Variants in MPPED2 observed in about 807,000 individuals in gnomAD.
The protein encoded by MPPED2 is metallophosphoesterase MPPED2.
Under a neutral mutation model 33.0 loss-of-function variants are expected in MPPED2, and 5 were observed. The observed-to-expected ratio is 0.15, with a 90% confidence interval of 0.08 to 0.32. The LOEUF (loss-of-function observed/expected upper bound fraction) is 0.32. Ranked by LOEUF, MPPED2 falls within the 10% of genes least tolerant of loss-of-function variation. MPPED2 has a pLI of 1.00. For synonymous variants in MPPED2, 136 were observed against 141.9 expected (o/e 0.96, Z 0.29); for missense variants, 275 against 372.1 (o/e 0.74, Z 2.15).
At chr11:30,567,499 T>G (rs572467128) in intron 2 of MPPED2, among the ~76,000 whole-genome samples, 4 of 152,288 alleles carry the variant, frequency 2.6e-5, no homozygotes, top group Admixed American at 2.6e-4. Context: ...GGGTGCTTTT[T>G]TTCCAGCTCC....
intron 3 of MPPED2, among the ~76,000 whole-genome samples, chr11:30,497,374 C>T (rs994501761): frequency 3.3e-4 from 51 of 152,262 alleles, no homozygotes; most frequent in Admixed American, 1.6e-3. Context: ...TAGTGCTCCC[C>T]GCCCCAATTC....
chr11:30,526,547 T>C (rs1954190256), intron 3 of MPPED2, among the ~76,000 whole-genome samples: 1 of 152,284 alleles, frequency 6.6e-6, no homozygotes, highest in Non-Finnish European at 1.5e-5. Flanking sequence ...TCAGAGATCT[T>C]GACTCTAGGG....
At chr11:30,444,450 A>ATTTT (rs59838605) in intron 4 of MPPED2, among the ~76,000 whole-genome samples, 1 of 139,456 alleles carries the variant, frequency 7.2e-6, no homozygotes, top group Non-Finnish European at 1.6e-5. Context: ...ACATCATTCT[A>ATTTT]TTTTTTTTTT....
chr11:30,394,891 T>C (rs1947821752), intron 6 of MPPED2, among the ~76,000 whole-genome samples: 1 of 152,190 alleles, frequency 6.6e-6, no homozygotes, highest in African/African-American at 2.4e-5. Flanking sequence ...ATAATCCCTT[T>C]TGAGACAACT....
chr11:30,478,159 A>T (rs1352719675), intron 4 of MPPED2, among the ~76,000 whole-genome samples: 1 of 151,570 alleles, frequency 6.6e-6, no homozygotes, highest in Non-Finnish European at 1.5e-5. Flanking sequence ...CCCTCCAAAA[A>T]CCTACTTGCT....
At chr11:30,560,752 C>A (rs190736924) in intron 2 of MPPED2, among the ~76,000 whole-genome samples, 1 of 152,266 alleles carries the variant, frequency 6.6e-6, no homozygotes, top group East Asian at 1.9e-4. Context: ...CACTTACAGG[C>A]GATGCAAATG....
At chr11:30,521,649 A>T (rs1417764133) in intron 3 of MPPED2, among the ~76,000 whole-genome samples, 1 of 152,248 alleles carries the variant, frequency 6.6e-6, no homozygotes, top group African/African-American at 2.4e-5. Context: ...TTGAAGTCAA[A>T]ATACATATTA....
intron 3 of MPPED2, among the ~76,000 whole-genome samples, chr11:30,497,409 G>A (rs1952319997): frequency 6.6e-6 from 1 of 152,160 alleles, no homozygotes; most frequent in Admixed American, 6.5e-5. Context: ...AGCCGGAACA[G>A]GCTAAAACGT....
chr11:30,549,609 G>T (rs1313696474), intron 2 of MPPED2, among the ~76,000 whole-genome samples: 1 of 152,104 alleles, frequency 6.6e-6, no homozygotes, highest in Non-Finnish European at 1.5e-5. Flanking sequence ...AGATGGAAAA[G>T]ATTTAACTTT....
chr11:30,548,878 T>A (rs1379388604), intron 2 of MPPED2, among the ~76,000 whole-genome samples: 1 of 152,192 alleles, frequency 6.6e-6, no homozygotes, highest in Non-Finnish European at 1.5e-5. Context: ...TTAAAGCTTG[T>A]GCCTCTCTAC....
At chr11:30,466,143 C>G (rs1950698779) in intron 4 of MPPED2, among the ~76,000 whole-genome samples, 1 of 152,192 alleles carries the variant, frequency 6.6e-6, no homozygotes, top group Non-Finnish European at 1.5e-5. Flanking sequence ...AGATCTATAA[C>G]TATTGAATGA....
At chr11:30,511,028 T>C (rs555789014) in intron 3 of MPPED2, among the ~76,000 whole-genome samples, 1 of 152,334 alleles carries the variant, frequency 6.6e-6, no homozygotes, top group African/African-American at 2.4e-5. Context: ...CTTTTCTTTA[T>C]GTTTTGGCTC....
At chr11:30,449,735 G>A (rs1163392929) in intron 4 of MPPED2, among the ~76,000 whole-genome samples, 1 of 152,056 alleles carries the variant, frequency 6.6e-6, no homozygotes, top group African/African-American at 2.4e-5. Context: ...TTGTGATGGT[G>A]GTATAAATTT....
intron 6 of MPPED2, among the ~76,000 whole-genome samples, chr11:30,400,787 A>C (rs141930665): frequency 2.0e-3 from 306 of 149,822 alleles, no homozygotes; most frequent in Non-Finnish European, 3.3e-3. Context: ...TAGATATAGC[A>C]TCTTGCTCTG....
downstream of MPPED2, chr11:30,384,367 T>C (rs621421): frequency 0.27 from 40,459 of 152,080 alleles, 6,832 homozygotes; most frequent in Non-Finnish European, 0.37. Flanking sequence ...TAGGAAATTT[T>C]AAAATGTGGA....
intron 4 of MPPED2, among the ~76,000 whole-genome samples, chr11:30,424,397 A>C (rs1357394135): frequency 2.0e-5 from 3 of 151,888 alleles, no homozygotes; most frequent in African/African-American, 4.8e-5. Context: ...CACGCCTGGC[A>C]CTCCCAGCCG....
chr11:30,554,847 C>T (rs941258767), intron 2 of MPPED2, among the ~76,000 whole-genome samples: 1 of 152,126 alleles, frequency 6.6e-6, no homozygotes, highest in Admixed American at 6.5e-5. Flanking sequence ...TGTCCTTAGG[C>T]CTGACGTCAC....
At chr11:30,439,276 T>C (rs553532689) in intron 4 of MPPED2, among the ~76,000 whole-genome samples, 3 of 152,328 alleles carry the variant, frequency 2.0e-5, no homozygotes, top group African/African-American at 7.2e-5. Context: ...ATCTGGGAAG[T>C]GTCTTAATTA....
intron 4 of MPPED2, among the ~76,000 whole-genome samples, chr11:30,446,162 A>C (rs987923325): frequency 6.6e-6 from 1 of 152,210 alleles, no homozygotes; most frequent in African/African-American, 2.4e-5. Context: ...GCAAAGTCAA[A>C]GGCTATGAGT....
Sources: gnomAD v4.1 joint callset for allele counts (sites outside exome capture counted in the v4.1 genomes callset) on GRCh38, gnomAD v4.1.1 for gene constraint, MANE v1.5 for transcripts, NCBI Gene and HGNC (gene_info 2026-07-23, HGNC 2026-07-21) for gene names.